Variants in ATP2B2 observed in about 807,000 individuals in gnomAD.
ATP2B2 encodes plasma membrane calcium-transporting ATPase 2.
In ATP2B2, 15 loss-of-function variants were observed where a neutral mutation model predicts 120.0. The observed-to-expected ratio is 0.12, with a 90% CI of 0.08 to 0.19. The LOEUF (loss-of-function observed/expected upper bound fraction) is 0.19. Among genes scored for constraint, ATP2B2 ranks in the 10% least tolerant of loss-of-function variants. ATP2B2 has a pLI of 1.00. For missense variants in ATP2B2, 1,045 were observed against 1,719.8 expected, an observed-to-expected ratio of 0.61 and a Z score of 6.94; for synonymous variants, 694 against 700.3, an observed-to-expected ratio of 0.99 and a Z score of 0.14.
At chr3:10,392,549 C>T (rs180922500) in intron 5 of ATP2B2, among the ~76,000 whole-genome samples, 56 of 152,356 alleles carry the variant, frequency 3.7e-4, no homozygotes, top group African/African-American at 1.3e-3. Context: ...TCTCAAAGGA[C>T]GACCACAGGG....
At chr3:10,671,450 T>C (rs1265356535) in intron 1 of ATP2B2, among the ~76,000 whole-genome samples, 1 of 152,204 alleles carries the variant, frequency 6.6e-6, no homozygotes, top group Non-Finnish European at 1.5e-5. Context: ...TCAGTAGGTC[T>C]AGTCCTCGGC....
intron 2 of ATP2B2, among the ~76,000 whole-genome samples, chr3:10,541,288 T>TA (rs2067434229): frequency 6.6e-6 from 1 of 152,210 alleles, no homozygotes; most frequent in Non-Finnish European, 1.5e-5. Flanking sequence ...CTTAACTTTA[T>TA]TATTTCCTTT....
At chr3:10,539,116 T>C (rs2067378933) in intron 2 of ATP2B2, among the ~76,000 whole-genome samples, 1 of 152,122 alleles carries the variant, frequency 6.6e-6, no homozygotes, top group South Asian at 2.1e-4. Flanking sequence ...TGAACTCCCA[T>C]TCACAATTGC....
intron 2 of ATP2B2, among the ~76,000 whole-genome samples, chr3:10,557,132 C>T (rs893351777): frequency 6.6e-6 from 1 of 152,182 alleles, no homozygotes; most frequent in Non-Finnish European, 1.5e-5. Flanking sequence ...GCATCTCTGG[C>T]CTCCCAGCCT....
At chr3:10,577,215 C>T (rs2068274357) in intron 2 of ATP2B2, among the ~76,000 whole-genome samples, 1 of 152,098 alleles carries the variant, frequency 6.6e-6, no homozygotes, top group South Asian at 2.1e-4. Context: ...TCACATTCAC[C>T]TTAGGACTTG....
At chr3:10,456,097 A>AT (rs997852381) in intron 1 of ATP2B2, among the ~76,000 whole-genome samples, 1 of 152,162 alleles carries the variant, frequency 6.6e-6, no homozygotes, top group Non-Finnish European at 1.5e-5. Flanking sequence ...AAGGAGCAAT[A>AT]TTTTTTTGTT....
At chr3:10,622,599 G>A (rs1054628295) in intron 1 of ATP2B2, among the ~76,000 whole-genome samples, 5 of 152,114 alleles carry the variant, frequency 3.3e-5, no homozygotes, top group South Asian at 2.1e-4. Flanking sequence ...CAGTGGATGC[G>A]GGAGGCTGAA....
chr3:10,628,236 T>C (rs759340095), intron 1 of ATP2B2, among the ~76,000 whole-genome samples: 7 of 152,000 alleles, frequency 4.6e-5, no homozygotes, highest in Non-Finnish European at 1.0e-4. Context: ...CATTAACAGA[T>C]GTACAGTGGA....
rs1175219194 is a variant in ATP2B2 at position 10,339,841 on chromosome 3, C to T, written c.3237+401G>A. ...AGCTGCTCCAGCCTTGAATCCCTGG[C>T]AGGCCATGGCTTCTAGCTGGAGTTT... On this transcript the variant is annotated intron_variant, in intron 21 of 22. Transcript: ENST00000360273. Among the ~76,000 whole-genome samples, 5 of 152,226 alleles carry T rather than the reference C, an allele frequency of 3.3e-5. No homozygotes were observed. The East Asian group carries it at 5.8e-4, about 18-fold the overall frequency.
Position 10,603,741 on chromosome 3 carries a change from G to A in ATP2B2, c.-415+16176C>T, listed in dbSNP as rs187792436. ...AAGAAAAATGAATCAGAGCTGAGGT[G>A]TTCACAGATCTTCGTTCTGGCATTA... On this transcript the variant is annotated intron_variant, in intron 2 of 21. Transcript: ENST00000646379. Among the ~76,000 whole-genome samples the A allele has an allele frequency of 2.3e-4, 35 of 152,122 alleles. No individual in the cohort carries two copies. In the Middle Eastern group the frequency reaches 0.01, roughly 44 times the overall value.
intron 22 of ATP2B2, among the ~76,000 whole-genome samples, chr3:10,330,996 C>T (rs1044161621): frequency 4.6e-5 from 7 of 152,178 alleles, no homozygotes; most frequent in African/African-American, 1.2e-4. Context: ...TGTCAGTCAT[C>T]GCTTACTAGT....
intron 14 of ATP2B2, among the ~76,000 whole-genome samples, chr3:10,356,155 CGTGTGTGTGT>C (rs911717639): frequency 3.8e-5 from 1 of 26,532 alleles, no homozygotes; most frequent in Non-Finnish European, 7.0e-5. Flanking sequence ...TGCGTGTGTG[CGTGTGTGTGT>C]GTGTGTGTGT....
chr3:10,563,957 C>T (rs1394348020), intron 2 of ATP2B2, among the ~76,000 whole-genome samples: 2 of 152,230 alleles, frequency 1.3e-5, no homozygotes. Flanking sequence ...AACTTCCCCA[C>T]CTGTGGAACT....
intron 1 of ATP2B2, among the ~76,000 whole-genome samples, chr3:10,683,094 C>G (rs191192013): frequency 9.2e-5 from 14 of 152,020 alleles, no homozygotes; most frequent in Admixed American, 4.6e-4. Flanking sequence ...ATTATCTCAT[C>G]TGACCTTTAC....
At chr3:10,549,998 A>C (rs2067634459) in intron 2 of ATP2B2, among the ~76,000 whole-genome samples, 1 of 152,254 alleles carries the variant, frequency 6.6e-6, no homozygotes, top group Non-Finnish European at 1.5e-5. Context: ...GCCTGACTCC[A>C]AATCCTATAT....
chr3:10,706,555 G>A (rs1559528712), intron 1 of ATP2B2, among the ~76,000 whole-genome samples: 1 of 152,140 alleles, frequency 6.6e-6, no homozygotes, highest in Non-Finnish European at 1.5e-5. Flanking sequence ...AGCCCAGCAG[G>A]TGCTGCCCCC....
At chr3:10,516,095 C>G (rs938061377) in intron 3 of ATP2B2, among the ~76,000 whole-genome samples, 2 of 152,212 alleles carry the variant, frequency 1.3e-5, no homozygotes, top group African/African-American at 4.8e-5. Context: ...GGACATCCAC[C>G]TCCCTGAGAG....
chr3:10,442,135 A>G (rs2063688930), intron 2 of ATP2B2, among the ~76,000 whole-genome samples: 1 of 152,162 alleles, frequency 6.6e-6, no homozygotes, highest in African/African-American at 2.4e-5. Context: ...GTTCGCTCAC[A>G]GTAAATGAGA....
chr3:10,699,638 T>C (rs1369117), intron 1 of ATP2B2, among the ~76,000 whole-genome samples: 67,370 of 152,060 alleles, frequency 0.44, 16,990 homozygotes, highest in Non-Finnish European at 0.57. Context: ...AGTTTAAGTG[T>C]GTTCCCCAAA....
Sources: gnomAD v4.1 joint callset for allele counts (sites outside exome capture counted in the v4.1 genomes callset) on GRCh38, gnomAD v4.1.1 for gene constraint, MANE v1.5 for transcripts, NCBI Gene and HGNC (gene_info 2026-07-23, HGNC 2026-07-21) for gene names.